The following RXYLT1 variants were observed in gnomAD, a reference collection of about 807,000 sequenced individuals.
RXYLT1 encodes the protein ribitol xylosyltransferase 1.
In RXYLT1, 41 loss-of-function variants were observed where a neutral mutation model predicts 43.5. That is an observed-to-expected ratio of 0.94 (90% confidence interval 0.73 to 1.22). The LOEUF (loss-of-function observed/expected upper bound fraction) is 1.22, where lower values mean the gene tolerates loss of function less well. Among genes scored for constraint, RXYLT1 ranks in the 50% most tolerant of loss-of-function variants. The probability of loss-of-function intolerance (pLI) is 0.00; values close to 1 mark genes in which losing one functional copy is unlikely to be tolerated. For synonymous variants in RXYLT1, 166 were observed against 194.4 expected, an observed-to-expected ratio of 0.85 and a Z score of 1.21; for missense variants, 514 against 532.0, an observed-to-expected ratio of 0.97 and a Z score of 0.33.
At position 63,779,957 on chromosome 12, in the gene RXYLT1, T is replaced by G; in HGVS notation, c.-4T>G. ...GTGGATGCCTGACTGGAAGCCCGAG[T>G]GGGATGCGGCTGACGCGGAAGCGGC... is the stretch of plus-strand genomic sequence containing the variant. On this transcript the variant is annotated 5_prime_UTR_variant, in exon 1 of 6. Transcript: ENST00000261234. The G allele has an allele frequency of 1.9e-6, 3 of 1,610,030 alleles. No individual in the cohort carries two copies. Among genetic ancestry groups the G allele is most frequent in the Non-Finnish European group, 2.5e-6 (3 of 1,178,516 alleles).
At chr12:63,802,719 T>C (rs959715399) in intron 4 of RXYLT1, among the ~76,000 whole-genome samples, 1 of 152,110 alleles carries the variant, frequency 6.6e-6, no homozygotes, top group African/African-American at 2.4e-5. Flanking sequence ...AGATAGATTT[T>C]TTTAAAAACA....
At chr12:63,793,274 A>C (rs898914448) in intron 3 of RXYLT1, among the ~76,000 whole-genome samples, 1 of 152,168 alleles carries the variant, frequency 6.6e-6, no homozygotes, top group Non-Finnish European at 1.5e-5. Flanking sequence ...TTGCACATCT[A>C]ATGTGCCCAA....
chr12:63,805,428 C>A, intron 5 of RXYLT1, 24 bp downstream of exon 5: 1 of 1,539,344 alleles, frequency 6.5e-7, no homozygotes, highest in Non-Finnish European at 8.7e-7. Flanking sequence ...TTATTTAATT[C>A]ATTCATTTTG....
At chr12:63,780,702 T>TTGC (rs1897661450) in intron 1 of RXYLT1, among the ~76,000 whole-genome samples, 1 of 152,208 alleles carries the variant, frequency 6.6e-6, no homozygotes, top group South Asian at 2.1e-4. Flanking sequence ...TGGATAAAAA[T>TTGC]AATTGCAAAA....
At chr12:63,802,471 T>A in intron 4 of RXYLT1, 66 bp downstream of exon 4, 1 of 1,422,972 alleles carries the variant, frequency 7.0e-7, no homozygotes, top group Non-Finnish European at 9.4e-7. Flanking sequence ...CAGGAAGACT[T>A]ATTCAAAATT....
At chr12:63,798,404 A>C (rs1451555271) in intron 3 of RXYLT1, among the ~76,000 whole-genome samples, 1 of 152,116 alleles carries the variant, frequency 6.6e-6, no homozygotes, top group Non-Finnish European at 1.5e-5. Flanking sequence ...TCACTTCCTT[A>C]CTTCTCAACC....
Position 63,780,053 on chromosome 12 carries a change from C to T in RXYLT1, c.93C>T (p.Arg31=). 6.2e-7 allele frequency: 1 copy of T among 1,606,118 alleles called. No individual in the cohort carries two copies. Among genetic ancestry groups the T allele is most frequent in the Non-Finnish European group, 8.5e-7 (1 of 1,177,796 alleles). The change falls in exon 1 of 6, where the codon CGC becomes CGT. Residue 31 remains arginine (R), a synonymous_variant. Transcript: ENST00000261234. ...LYAAYHVFFG[R]RRQAPAGSPR... ...CTGCCTACCACGTCTTCTTCGGGCG[C>T]CGCCGCCAGGCGCCGGCCGGGTCCC... is the stretch of plus-strand genomic sequence containing the variant.
At chr12:63,804,353 G>A (rs1488883814) in intron 4 of RXYLT1, 1 of 152,132 alleles carries the variant, frequency 6.6e-6, no homozygotes, top group Non-Finnish European at 1.5e-5. Flanking sequence ...TTGTTCTCGT[G>A]TGAAAGTTAC....
chr12:63,783,740 G>C (rs1897738774), intron 2 of RXYLT1, among the ~76,000 whole-genome samples: 1 of 151,970 alleles, frequency 6.6e-6, no homozygotes, highest in African/African-American at 2.4e-5. Flanking sequence ...TCATTTCCAG[G>C]TACCATAATC....
chr12:63,799,330 A>G (rs1366215959), intron 3 of RXYLT1, among the ~76,000 whole-genome samples: 5 of 136,694 alleles, frequency 3.7e-5, no homozygotes, highest in Non-Finnish European at 7.9e-5. Flanking sequence ...TTTTTGAGAC[A>G]ACGTTTCATT....
intron 1 of RXYLT1, 38 bp downstream of exon 1, chr12:63,780,167 T>G (rs537667368): frequency 1.5e-5 from 21 of 1,424,542 alleles, no homozygotes; most frequent in Non-Finnish European, 1.8e-5. Flanking sequence ...GGCTCTGCGC[T>G]CCTGGCTGGG....
intron 3 of RXYLT1, among the ~76,000 whole-genome samples, chr12:63,799,022 A>T (rs913966858): frequency 6.6e-6 from 1 of 152,182 alleles, no homozygotes; most frequent in Non-Finnish European, 1.5e-5. Flanking sequence ...TGAAAAATTT[A>T]CAGGAACACT....
At chr12:63,781,281 C>A in intron 2 of RXYLT1, 107 bp downstream of exon 2, 1 of 1,155,654 alleles carries the variant, frequency 8.7e-7, no homozygotes, top group Non-Finnish European at 1.1e-6. Flanking sequence ...TTAATTAAGG[C>A]ATCATGATAT....
intron 3 of RXYLT1, among the ~76,000 whole-genome samples, chr12:63,790,726 TG>T (rs1342238231): frequency 6.6e-6 from 1 of 152,108 alleles, no homozygotes; most frequent in Non-Finnish European, 1.5e-5. Flanking sequence ...CCTCCAAAAG[TG>T]CTGGGATTAC....
intron 3 of RXYLT1, among the ~76,000 whole-genome samples, chr12:63,791,889 A>G (rs77989728): frequency 0.033 from 5,027 of 152,336 alleles, 113 homozygotes; most frequent in Middle Eastern, 0.065. Flanking sequence ...CACAACTGCA[A>G]ACTAGTAATT....
chr12:63,797,202 G>A lies in RXYLT1; in HGVS notation c.429-4889G>A, dbSNP rs1433720340. On this transcript the variant is annotated intron_variant, in intron 3 of 5. Transcript: ENST00000261234. ...TGGTCTCGAACTCCTGACCTCAGGT[G>A]ATCCACCTGCCTCAGCCTCCCAAAG... Among the ~76,000 whole-genome samples, 3 of 151,872 alleles carry A rather than the reference G, an allele frequency of 2.0e-5. No homozygotes were observed. In the South Asian group the frequency reaches 6.2e-4, roughly 32 times the overall value.
chr12:63,783,878 G>A (rs1341857698), intron 2 of RXYLT1, among the ~76,000 whole-genome samples: 1 of 152,114 alleles, frequency 6.6e-6, no homozygotes, highest in Non-Finnish European at 1.5e-5. Context: ...CTCTAGAGGA[G>A]AACCTGTTTC....
chr12:63,785,299 CTGTT>C (rs1405664554), intron 3 of RXYLT1: 1 of 233,946 alleles, frequency 4.3e-6, no homozygotes, highest in Non-Finnish European at 8.2e-6. Context: ...CATCATATGT[CTGTT>C]TTATTTTTAC....
intron 5 of RXYLT1, 135 bp from the exon 6 acceptor site, chr12:63,808,540 A>G (rs1898363627): frequency 3.4e-6 from 3 of 876,628 alleles, no homozygotes; most frequent in Admixed American, 6.7e-5. Flanking sequence ...AGGATTTTGG[A>G]TATCTCTTAT....
Sources: allele counts gnomAD v4.1 joint callset (sites outside exome capture counted in the v4.1 genomes callset), GRCh38; gene constraint gnomAD v4.1.1; transcripts MANE v1.5; gene names NCBI Gene and HGNC (gene_info 2026-07-23, HGNC 2026-07-21).